Variants in SLC4A10 observed in about 807,000 individuals in gnomAD.
The protein encoded by SLC4A10 is sodium-driven chloride bicarbonate exchanger.
A neutral mutation model predicts 137.7 loss-of-function variants in SLC4A10; 42 were observed. The observed-to-expected ratio is 0.30, with a 90% CI of 0.24 to 0.39. The LOEUF is 0.39. SLC4A10 is among the 10% of genes least tolerant of loss of function. SLC4A10 has a pLI of 1.00. For missense variants in SLC4A10, 925 were observed against 1,355.0 expected, an observed-to-expected ratio of 0.68 and a Z score of 4.98; for synonymous variants, 474 against 464.1, an observed-to-expected ratio of 1.02 and a Z score of -0.27.
intron 1 of SLC4A10, among the ~76,000 whole-genome samples, chr2:161,722,150 G>GTT (rs1048611658): frequency 2.6e-5 from 4 of 152,254 alleles, no homozygotes; most frequent in Non-Finnish European, 2.9e-5. Flanking sequence ...GGTGAAATTT[G>GTT]TTATTACTCA....
At chr2:161,875,395 G>T (rs1362558496) in intron 8 of SLC4A10, among the ~76,000 whole-genome samples, 1 of 151,838 alleles carries the variant, frequency 6.6e-6, no homozygotes, top group African/African-American at 2.4e-5. Flanking sequence ...ACATTTTGAG[G>T]TGTTAAGAAA....
At chr2:161,888,420 C>T (rs1297162115) in intron 10 of SLC4A10, among the ~76,000 whole-genome samples, 1 of 152,128 alleles carries the variant, frequency 6.6e-6, no homozygotes, top group African/African-American at 2.4e-5. Flanking sequence ...TCTTCCTATC[C>T]ATGAGCATGG....
rs1205528954 is a variant in SLC4A10, at chr2:161,957,051, C to G, written c.2604C>G (p.Ile868Met). ...CTGTCATGCTCGGTGTATGCTCCAT[C>G]ATGGGCCTGCCATGGTTTGTGGCTG... ...MVAVMLGVCS[I>M]MGLPWFVAAT... Residue 868 changes from isoleucine (I) to methionine (M), a missense_variant, in exon 20 of 27, where the codon ATC (isoleucine) becomes ATG (methionine). Physicochemically the swap from Ile to Met is conservative, Grantham distance 10. Around this residue, in one of 11 missense-constraint regions of SLC4A10, gnomAD observed 115 missense variants for 237.5 expected, o/e 0.48. Transcript: ENST00000446997. 4 of 1,611,696 alleles carry G rather than the reference C, an allele frequency of 2.5e-6. No homozygotes were observed. In the Admixed American group the frequency reaches 5.0e-5, roughly 20 times the overall value.
intron 6 of SLC4A10, among the ~76,000 whole-genome samples, chr2:161,868,234 C>A (rs2060886401): frequency 6.6e-6 from 1 of 151,150 alleles, no homozygotes; most frequent in Non-Finnish European, 1.5e-5. Flanking sequence ...CCTTTTTTTC[C>A]AATAATGAAG....
intron 1 of SLC4A10, among the ~76,000 whole-genome samples, chr2:161,630,515 A>G (rs551889716): frequency 6.6e-6 from 1 of 151,802 alleles, no homozygotes; most frequent in South Asian, 2.1e-4. Flanking sequence ...TAATTTACGG[A>G]TGATGGAACT....
intron 1 of SLC4A10, among the ~76,000 whole-genome samples, chr2:161,717,581 T>C (rs2045074474): frequency 6.6e-6 from 1 of 152,160 alleles, no homozygotes; most frequent in African/African-American, 2.4e-5. Context: ...TCTGTTCATG[T>C]GGTGAATTAT....
chr2:161,777,104 A>ATTAAAATTAATTTTTAATTTAAAAAAG (rs1212652167), intron 2 of SLC4A10, among the ~76,000 whole-genome samples: 20 of 151,636 alleles, frequency 1.3e-4, no homozygotes, highest in African/African-American at 3.4e-4. Flanking sequence ...ATTTAAAAAA[A>ATTAAAATTAATTTTTAATTTAAAAAAG]TTAAAATTAA....
chr2:161,733,394 C>G lies in SLC4A10; in HGVS notation c.49-37579C>G, dbSNP rs573880866. On this transcript the variant is annotated intron_variant, in intron 1 of 26. Transcript: ENST00000446997. ...GCTTCAGATGGTGCAAGCCCCAAGC[C>G]TTGGCAGCTTCCACATGGTGTTCAG... 3.9e-5 allele frequency among the ~76,000 whole-genome samples: 6 copies of G among 152,352 alleles called. No individual in the cohort carries two copies. In the South Asian group the frequency reaches 1.2e-3, roughly 32 times the overall value.
intron 1 of SLC4A10, among the ~76,000 whole-genome samples, chr2:161,739,612 A>G (rs1559142997): frequency 6.6e-6 from 1 of 152,146 alleles, no homozygotes; most frequent in African/African-American, 2.4e-5. Flanking sequence ...ATCAAGATCC[A>G]TTTTTAGCAC....
chr2:161,927,186 T>C (rs1179060811), intron 15 of SLC4A10, among the ~76,000 whole-genome samples: 1 of 152,242 alleles, frequency 6.6e-6, no homozygotes, highest in East Asian at 1.9e-4. Flanking sequence ...CCGGTCACTT[T>C]CAGGTACACC....
At chr2:161,690,258 C>G (rs747707138) in intron 1 of SLC4A10, among the ~76,000 whole-genome samples, 7 of 152,078 alleles carry the variant, frequency 4.6e-5, no homozygotes, top group Non-Finnish European at 8.8e-5. Context: ...CCATCTCATG[C>G]CAGTCAGAAT....
At chr2:161,768,579 T>C (rs1179328205) in intron 1 of SLC4A10, among the ~76,000 whole-genome samples, 1 of 151,970 alleles carries the variant, frequency 6.6e-6, no homozygotes, top group Non-Finnish European at 1.5e-5. Flanking sequence ...CCATGACTCT[T>C]CTTATGATTC....
intron 21 of SLC4A10, among the ~76,000 whole-genome samples, chr2:161,959,707 T>A (rs1232792273): frequency 1.3e-5 from 2 of 152,204 alleles, no homozygotes; most frequent in Non-Finnish European, 2.9e-5. Flanking sequence ...GGTCTTTCCA[T>A]GTTTTCTATT....
At chr2:161,714,853 T>C (rs939711187) in intron 1 of SLC4A10, among the ~76,000 whole-genome samples, 1 of 151,936 alleles carries the variant, frequency 6.6e-6, no homozygotes, top group Non-Finnish European at 1.5e-5. Context: ...TCAAATAAAA[T>C]AATAAATTAA....
At chr2:161,686,326 A>G (rs1338375251) in intron 1 of SLC4A10, among the ~76,000 whole-genome samples, 1 of 152,206 alleles carries the variant, frequency 6.6e-6, no homozygotes, top group East Asian at 1.9e-4. Flanking sequence ...AATAGCTGCA[A>G]TGGTAATAAA....
At chr2:161,790,734 C>A (rs2054108193) in intron 2 of SLC4A10, among the ~76,000 whole-genome samples, 3 of 152,036 alleles carry the variant, frequency 2.0e-5, no homozygotes, top group Admixed American at 2.0e-4. Context: ...CAATGGGTAT[C>A]CTAGGAACAA....
At chr2:161,943,274 G>T (rs963752829) in intron 16 of SLC4A10, among the ~76,000 whole-genome samples, 4 of 152,084 alleles carry the variant, frequency 2.6e-5, no homozygotes, top group Admixed American at 1.3e-4. Context: ...AGCTGTTCCG[G>T]ATCTGCTGGG....
intron 15 of SLC4A10, among the ~76,000 whole-genome samples, chr2:161,921,596 A>G (rs1169603911): frequency 1.3e-5 from 2 of 152,262 alleles, no homozygotes; most frequent in Non-Finnish European, 2.9e-5. Flanking sequence ...ATTGTGGAAC[A>G]GTGTCTAATT....
intron 1 of SLC4A10, among the ~76,000 whole-genome samples, chr2:161,681,030 C>G (rs565052149): frequency 4.8e-4 from 73 of 152,220 alleles, no homozygotes; most frequent in African/African-American, 1.4e-3. Context: ...CAGTAAGAAG[C>G]CAGGAGGTAC....
Sources: allele counts gnomAD v4.1 joint callset (sites outside exome capture counted in the v4.1 genomes callset), GRCh38; gene constraint gnomAD v4.1.1; regional missense constraint gnomAD v4.1.1; transcripts MANE v1.5; gene names NCBI Gene and HGNC (gene_info 2026-07-23, HGNC 2026-07-21).